Variants in TRIM15 observed in about 807,000 individuals in gnomAD.
TRIM15 encodes E3 ubiquitin-protein ligase TRIM15.
A neutral mutation model predicts 35.8 loss-of-function variants in TRIM15; 35 were observed. The observed-to-expected ratio is 0.98, with a 90% CI of 0.75 to 1.30. TRIM15 has a LOEUF of 1.30. Among genes scored for constraint, TRIM15 ranks in the 50% most tolerant of loss-of-function variants. The pLI, the probability that TRIM15 is intolerant of heterozygous loss-of-function variation, is 0.00. For synonymous variants in TRIM15, 252 were observed against 249.8 expected (o/e 1.01, Z -0.08); for missense variants, 590 against 593.5 (o/e 0.99, Z 0.06).
At chr6:30,171,113 G>A in intron 6 of TRIM15, 105 bp downstream of exon 6, 1 of 1,303,244 alleles carries the variant, frequency 7.7e-7, no homozygotes, top group Admixed American at 2.1e-5. Flanking sequence ...GATTGCTTGA[G>A]TTCTCGATTC....
chr6:30,169,709 AT>A (rs1190728123), intron 4 of TRIM15: 1 of 359,622 alleles, frequency 2.8e-6, no homozygotes, highest in African/African-American at 2.1e-5. Flanking sequence ...TTCCTTCAGA[AT>A]TTTCTAATGC....
At chr6:30,169,104 G>C in intron 3 of TRIM15, 137 bp from the exon 4 acceptor site, 1 of 968,886 alleles carries the variant, frequency 1.0e-6, no homozygotes, top group East Asian at 2.5e-5. Context: ...ACAATCTAAT[G>C]AGTAGGTAAT....
intron 1 of TRIM15, among the ~76,000 whole-genome samples, chr6:30,166,620 G>A (rs1384488256): frequency 6.8e-6 from 1 of 147,828 alleles, no homozygotes; most frequent in Non-Finnish European, 1.5e-5. Context: ...ATATAAAGTA[G>A]TTTTTTCTAA....
At position 30,172,238 on chromosome 6, in the gene TRIM15, C is replaced by G. The variant is rs142991113; in HGVS notation, c.1287C>G (p.His429Gln). 3,263 of 1,612,594 alleles carry G rather than the reference C, an allele frequency of 2.0e-3. 12 individuals are homozygous for G. Among genetic ancestry groups the G allele is most frequent in the African/African-American group, 0.011 (860 of 75,058 alleles). ...ACGAGGCGGGGCAGGTGACCCTCCA[C>G]AACGCCCAGACCCAGGAGCCCATCT... ...LDYEAGQVTL[H>Q]NAQTQEPIFT... Residue 429 changes from histidine to glutamine, a missense_variant, in exon 7 of 7, where the codon CAC becomes CAG. Physicochemically the swap from His to Gln is conservative, Grantham distance 24. Coordinates refer to ENST00000376694, the MANE Select transcript of TRIM15 (RefSeq NM_033229.3).
At chr6:30,167,012 C>T (rs1201294807) in intron 1 of TRIM15, among the ~76,000 whole-genome samples, 164 bp from the exon 2 acceptor site, 2 of 152,212 alleles carry the variant, frequency 1.3e-5, no homozygotes, top group Non-Finnish European at 2.9e-5. Context: ...AATCACTTGA[C>T]ATTGACTTCT....
intron 1 of TRIM15, among the ~76,000 whole-genome samples, 164 bp downstream of exon 1, chr6:30,164,229 A>T (rs1348890276): frequency 6.6e-6 from 1 of 152,154 alleles, no homozygotes; most frequent in East Asian, 1.9e-4. Context: ...ATAGGGCTCC[A>T]CTTGGATGTG....
chr6:30,168,369 CA>C lies in TRIM15; in HGVS notation c.548del (p.Gln183ArgfsTer9). On this transcript the variant is annotated frameshift_variant, in exon 3 of 7. Transcript: ENST00000376694. LOFTEE classifies it high-confidence loss of function. ...GAGGCTGCAGCAGGAGCTGGAGCAG[CA>C]GCGATGTCTCCTGCTGGCCAGGCTG... Reference protein sequence around the residue: ...FERLQQELEQQRCLLLARLRE... With the variant: ...FERLQQELEQXRCLLLARLRE... 6.2e-7 allele frequency: 1 copy of C among 1,613,030 alleles called. No individual in the cohort carries two copies. Among genetic ancestry groups the C allele is most frequent in the Non-Finnish European group, 8.5e-7 (1 of 1,180,032 alleles).
chr6:30,171,457 G>T (rs1774011418), intron 6 of TRIM15, among the ~76,000 whole-genome samples: 1 of 152,144 alleles, frequency 6.6e-6, no homozygotes, highest in Admixed American at 6.5e-5. Flanking sequence ...GCTTAATTTA[G>T]AAGTTGTTTC....
chr6:30,169,529 A>G (rs1773865576), intron 4 of TRIM15: 1 of 690,546 alleles, frequency 1.4e-6, no homozygotes, highest in East Asian at 2.7e-5. Context: ...TTTTAGGTTG[A>G]TCCAGGAACA....
In TRIM15 at chr6:30,163,937, G is replaced by A; in HGVS notation, c.253G>A (p.Glu85Lys). The A allele has an allele frequency of 6.2e-7, 1 of 1,613,134 alleles. No individual in the cohort carries two copies. Among genetic ancestry groups the A allele is most frequent in the Non-Finnish European group, 8.5e-7 (1 of 1,180,036 alleles). Residue 85 changes from glutamate (E) to lysine (K), a missense_variant, in exon 1 of 7, where the codon GAG (glutamate) becomes AAG (lysine). Glu to Lys is a moderately conservative substitution (Grantham distance 56, BLOSUM62 1). Coordinates refer to ENST00000376694, the MANE Select transcript of TRIM15 (RefSeq NM_033229.3). Reference protein sequence around the residue: ...LGPLGETYCEEHGEKIYFFCE... With the variant: ...LGPLGETYCEKHGEKIYFFCE... ...CCCGCTGGGAGAAACTTACTGCGAG[G>A]AGCACGGCGAGAAGATCTACTTCTT...
chr6:30,169,513 T>A (rs1390563812), intron 4 of TRIM15: 2 of 697,526 alleles, frequency 2.9e-6, no homozygotes, highest in East Asian at 5.4e-5. Context: ...TAAATAATAA[T>A]CATGTTTTTA....
rs1773976221 is a variant in TRIM15 at position 30,171,004 on chromosome 6, T to C, written c.876T>C (p.Asp292=). 1 of 1,611,816 alleles carries C rather than the reference T, an allele frequency of 6.2e-7. No individual in the cohort carries two copies. Among genetic ancestry groups the C allele is most frequent in the Non-Finnish European group, 8.5e-7 (1 of 1,179,406 alleles). The change falls in exon 6 of 7, where the codon GAT becomes GAC. Residue 292 remains aspartate (D), a synonymous_variant. Transcript: ENST00000376694. ...SENLAHHLEI[D]SGVITLDPQT... is the part of the protein sequence containing the mutation. The stretch of plus-strand genomic sequence containing the variant: ...ACTTGGCGCATCATCTGGAAATAGA[T>C]TCAGGTAAACAGCTTGGGATTTGGG...
At chr6:30,170,885 C>T (rs1029237) in intron 5 of TRIM15, 91 bp from the exon 6 acceptor site, 307,450 of 1,440,230 alleles carry the variant, frequency 0.21, 36,044 homozygotes, top group Non-Finnish European at 0.24. Context: ...CTGTCCTCAT[C>T]TTCACATTGT....
chr6:30,166,940 CCT>C (rs1328830992), intron 1 of TRIM15, among the ~76,000 whole-genome samples: 3 of 152,188 alleles, frequency 2.0e-5, no homozygotes, highest in African/African-American at 7.2e-5. Flanking sequence ...GCAGAGCTGA[CCT>C]CTGTGTTCCC....
Position 30,171,831 on chromosome 6 carries a change from G to A in TRIM15, c.881-1G>A. 1 of 1,544,022 alleles carries A rather than the reference G, an allele frequency of 6.5e-7. No individual in the cohort carries two copies. Among genetic ancestry groups the A allele is most frequent in the Non-Finnish European group, 8.7e-7 (1 of 1,146,182 alleles). On this transcript the variant is annotated splice_acceptor_variant, in intron 6 of 6. Transcript: ENST00000376694. LOFTEE classifies it high-confidence loss of function. ...TGATGTCTGCGCGCTCCTCCCTCTA[G>A]GGGTCATCACTCTGGACCCTCAGAC...
At chr6:30,170,037 C>G (rs1773897881) in intron 4 of TRIM15, among the ~76,000 whole-genome samples, 1 of 152,128 alleles carries the variant, frequency 6.6e-6, no homozygotes, top group Non-Finnish European at 1.5e-5. Flanking sequence ...CAGCAAGTGT[C>G]TAATGAGGAC....
In TRIM15 at chr6:30,172,357, C is replaced by T; in HGVS notation, c.*8C>T. 5.7e-6 allele frequency: 9 copies of T among 1,586,578 alleles called. No individual in the cohort carries two copies. The highest frequency in any genetic ancestry group is 1.3e-5 in the African/African-American group (1 of 74,336). ...CTTACGCTGAAAGGCTGAAGTGGGG[C>T]GCGCGAAGGGCGGCGAAGCGGAGAC... On this transcript the variant is annotated 3_prime_UTR_variant, in exon 7 of 7. Coordinates refer to ENST00000376694, the MANE Select transcript of TRIM15 (RefSeq NM_033229.3).
chr6:30,166,507 C>G lies in TRIM15; in HGVS notation c.382-669C>G, dbSNP rs1273562157. On this transcript the variant is annotated intron_variant, in intron 1 of 6. Transcript: ENST00000376694. The stretch of plus-strand genomic sequence containing the variant: ...ACATATTTGATATCATATACTACAG[C>G]CTTGTAGTATAGTTTGAAGTCAGGT... 7.9e-5 allele frequency among the ~76,000 whole-genome samples: 12 copies of G among 152,258 alleles called. No homozygotes were observed. In the East Asian group the frequency reaches 2.1e-3, roughly 27 times the overall value.
In TRIM15 at chr6:30,163,548, C is replaced by CTCTCTT. The variant is rs1554191264; in HGVS notation, c.-131_-126dup. ...CCTGTGCTGGCATTCTTGCCTCTCT[C>CTCTCTT]TCTCTTTCTCTCTCTCTGTCTCTTA... is the stretch of plus-strand genomic sequence containing the variant. On this transcript the variant is annotated 5_prime_UTR_variant, in exon 1 of 7. Coordinates refer to ENST00000376694, the MANE Select transcript of TRIM15 (RefSeq NM_033229.3). 3.5e-6 allele frequency: 4 copies of CTCTCTT among 1,132,814 alleles called. No individual in the cohort carries two copies. Among genetic ancestry groups the CTCTCTT allele is most frequent in the South Asian group, 3.5e-5 (2 of 57,832 alleles). The allele number at this position is 1,132,814 out of a possible 1,614,324, so 70.2% of individuals were successfully genotyped here. A position where few individuals can be genotyped will look rare whatever the true frequency, so the allele number is the denominator to read the frequency against.
Sources: allele counts gnomAD v4.1 joint callset (sites outside exome capture counted in the v4.1 genomes callset), GRCh38; gene constraint gnomAD v4.1.1; transcripts MANE v1.5; gene names NCBI Gene and HGNC (gene_info 2026-07-23, HGNC 2026-07-21).